Variants in INSL6 observed in about 807,000 individuals in gnomAD.
The protein encoded by INSL6 is insulin like 6, also known as insulin-like peptide INSL6.
INSL6 carries 16 observed loss-of-function variants against 9.4 expected under a neutral mutation model. The ratio of observed to expected loss-of-function variants is 1.70; its 90% CI spans 1.15 to 2.59. The LOEUF (loss-of-function observed/expected upper bound fraction) is 2.59. Among genes scored for constraint, INSL6 ranks in the 30% most tolerant of loss-of-function variants. The probability of loss-of-function intolerance (pLI) is 0.00; values close to 1 mark genes in which losing one functional copy is unlikely to be tolerated. For missense variants in INSL6, 391 were observed against 257.3 expected (o/e 1.52, Z -3.56); for synonymous variants, 154 against 96.9 (o/e 1.59, Z -3.46).
chr9:5,080,513 T>C, the INSL6 span: 35 of 1,571,752 alleles, frequency 2.2e-5, no homozygotes, highest in African/African-American at 4.4e-4. Context: ...TATTCTCAGT[T>C]TGTGGTTCTT....
chr9:5,146,671 G>A (rs1036776698), intron 2 of INSL6, among the ~76,000 whole-genome samples: 1 of 152,230 alleles, frequency 6.6e-6, no homozygotes, highest in African/African-American at 2.4e-5. Flanking sequence ...GTCAACAGGG[G>A]TTGAGAGGAA....
chr9:5,121,793 C>T (rs776224633), downstream of INSL6, among the ~76,000 whole-genome samples: 1 of 151,980 alleles, frequency 6.6e-6, no homozygotes, highest in Non-Finnish European at 1.5e-5. Flanking sequence ...TTTGTATTTA[C>T]CCTTACATAA....
intron 1 of INSL6, among the ~76,000 whole-genome samples, chr9:5,173,486 A>G (rs1193885602): frequency 6.6e-6 from 1 of 152,206 alleles, no homozygotes; most frequent in Non-Finnish European, 1.5e-5. Flanking sequence ...GGAAGCCATT[A>G]TCCTCAGCAA....
At chr9:5,177,520 G>T (rs1429885175) in intron 1 of INSL6, among the ~76,000 whole-genome samples, 1 of 152,190 alleles carries the variant, frequency 6.6e-6, no homozygotes, top group Non-Finnish European at 1.5e-5. Flanking sequence ...ATGAGGCCCA[G>T]GAGTTTTACA....
At chr9:4,992,442 G>C in the INSL6 span, among the ~76,000 whole-genome samples, 2 of 152,150 alleles carry the variant, frequency 1.3e-5, no homozygotes, top group Non-Finnish European at 2.9e-5. Flanking sequence ...CACTGCAGAA[G>C]AAAAACATGT....
At chr9:5,101,532 T>C in the INSL6 span, among the ~76,000 whole-genome samples, 1 of 152,240 alleles carries the variant, frequency 6.6e-6, no homozygotes, top group Non-Finnish European at 1.5e-5. Flanking sequence ...GCAGTGTTTC[T>C]ACCAGCATGG....
chr9:5,043,019 CCCCTGGG>C, the INSL6 span, among the ~76,000 whole-genome samples: 192 of 152,342 alleles, frequency 1.3e-3, 5 homozygotes, highest in South Asian at 0.024. Flanking sequence ...CGCGGCTCGG[CCCCTGGG>C]CCCTGCTGTG....
At chr9:5,124,476 T>C (rs1466824337) in exon 4 of INSL6, among the ~76,000 whole-genome samples, 3 of 151,684 alleles carry the variant, frequency 2.0e-5, no homozygotes, top group Non-Finnish European at 4.4e-5. Context: ...TCCTTTCCCA[T>C]ACTGCGCAAA....
intron 1 of INSL6, among the ~76,000 whole-genome samples, chr9:5,166,745 T>C (rs1337193834): frequency 6.6e-6 from 1 of 152,138 alleles, no homozygotes; most frequent in Non-Finnish European, 1.5e-5. Flanking sequence ...ATTCTAATAA[T>C]ATACAAGTTG....
chr9:5,047,963 G>T, the INSL6 span, among the ~76,000 whole-genome samples: 1 of 151,992 alleles, frequency 6.6e-6, no homozygotes, highest in Non-Finnish European at 1.5e-5. Context: ...AATATTTAAG[G>T]AATAGTATTT....
intron 1 of INSL6, among the ~76,000 whole-genome samples, chr9:5,176,805 C>G (rs1825319559): frequency 1.3e-5 from 2 of 151,456 alleles, no homozygotes; most frequent in African/African-American, 4.8e-5. Context: ...AATCAACAAA[C>G]TATTAGAACT....
At chr9:5,051,567 C>T in the INSL6 span, among the ~76,000 whole-genome samples, 7 of 152,098 alleles carry the variant, frequency 4.6e-5, no homozygotes, top group African/African-American at 1.7e-4. Context: ...CCAAACTCTG[C>T]ATTCTTCAAA....
At chr9:5,054,709 A>T in the INSL6 span, 3 of 1,613,388 alleles carry the variant, frequency 1.9e-6, no homozygotes, top group Non-Finnish European at 2.5e-6. The surrounding 1 kb of genome is among the most constrained non-coding windows in gnomAD (Gnocchi z 4.9). Context: ...AAACTTAAGT[A>T]TCTTATAAAT....
chr9:5,178,065 A>G (rs963749662), intron 1 of INSL6, among the ~76,000 whole-genome samples: 2 of 152,138 alleles, frequency 1.3e-5, no homozygotes, highest in African/African-American at 4.8e-5. Flanking sequence ...TAGTAGAGAC[A>G]GGGTTTGCCA....
chr9:5,132,620 A>G (rs1481807194), intron 3 of INSL6, among the ~76,000 whole-genome samples: 1 of 152,128 alleles, frequency 6.6e-6, no homozygotes, highest in Non-Finnish European at 1.5e-5. Context: ...TTCACCCATC[A>G]ATACTGACAG....
At chr9:5,110,847 G>T in the INSL6 span, 7 of 470,692 alleles carry the variant, frequency 1.5e-5, no homozygotes, top group Admixed American at 1.8e-4. Flanking sequence ...AAGGTGGGGG[G>T]GACGCTTCAT....
the INSL6 span, among the ~76,000 whole-genome samples, chr9:5,006,925 A>G: frequency 6.6e-6 from 1 of 152,192 alleles, no homozygotes; most frequent in Non-Finnish European, 1.5e-5. Context: ...ATTGGAGAAT[A>G]TTCCTGTTGT....
At chr9:5,018,538 C>T in the INSL6 span, among the ~76,000 whole-genome samples, 7 of 152,064 alleles carry the variant, frequency 4.6e-5, no homozygotes, top group Non-Finnish European at 1.0e-4. Flanking sequence ...GGGGTTTTGC[C>T]ATGTTGTCCA....
At position 5,185,463 on chromosome 9, in the gene INSL6, T is replaced by C. The variant is rs752515931; in HGVS notation, c.140A>G (p.His47Arg). The C allele has an allele frequency of 5.6e-6, 9 of 1,614,168 alleles. No homozygotes were observed. The highest frequency in any genetic ancestry group is 2.2e-5 in the South Asian group (2 of 91,076). ...LVKEIEKLCG[H>R]ANWSQFRFEE... ...GAAACGGAACTGGCTCCAGTTGGCA[T>C]GGCCGCAGAGTTTTTCTATTTCTTT... The change falls in exon 1 of 2, where the codon CAT becomes CGT. Residue 47 changes from histidine to arginine, a missense_variant. His to Arg is a conservative substitution (Grantham distance 29). Coordinates refer to ENST00000381641, the MANE Select transcript of INSL6 (RefSeq NM_007179.3).
Sources: allele counts gnomAD v4.1 joint callset (sites outside exome capture counted in the v4.1 genomes callset), GRCh38; gene constraint gnomAD v4.1.1; non-coding constraint Gnocchi (gnomAD v3.1); transcripts MANE v1.5; gene names NCBI Gene and HGNC (gene_info 2026-07-23, HGNC 2026-07-21).